PRAC2: variants seen among roughly 807,000 people sequenced by gnomAD.
The protein encoded by PRAC2 is PRAC2 small nuclear protein.
For missense variants in PRAC2, 92 were observed against 114.5 expected (o/e 0.80, Z 0.90); for synonymous variants, 43 against 49.5 (o/e 0.87, Z 0.55).
At chr17:48,724,098 C>A (rs1020715973) in intron 1 of PRAC2, among the ~76,000 whole-genome samples, 4 of 152,244 alleles carry the variant, frequency 2.6e-5, no homozygotes, top group African/African-American at 4.8e-5. Context: ...TGTGTTCACA[C>A]GTTTGTCCGA....
At chr17:48,723,376 T>G in intron 1 of PRAC2, 63 bp downstream of exon 1, 1 of 266,424 alleles carries the variant, frequency 3.8e-6, no homozygotes, top group Non-Finnish European at 7.0e-6. Context: ...ACAGGACGGG[T>G]TGGGGCCGGG....
chr17:48,718,984 G>A (rs888513251), upstream of PRAC2, among the ~76,000 whole-genome samples: 1 of 152,152 alleles, frequency 6.6e-6, no homozygotes, highest in Non-Finnish European at 1.5e-5. Context: ...TATCTTATTA[G>A]CCGGTGTCGC....
At chr17:48,723,430 A>G (rs964982530) in intron 1 of PRAC2, 117 bp downstream of exon 1, 26 of 338,848 alleles carry the variant, frequency 7.7e-5, no homozygotes, top group African/African-American at 5.3e-4. Flanking sequence ...AGAGTGCAGC[A>G]CTTAGCACCT....
chr17:48,720,351 C>G (rs1199437476), upstream of PRAC2, among the ~76,000 whole-genome samples: 1 of 152,222 alleles, frequency 6.6e-6, no homozygotes, highest in Non-Finnish European at 1.5e-5. Context: ...TTCTATCCAC[C>G]GCGACCTGCA....
At chr17:48,719,241 A>ACACG (rs1555557238), upstream of PRAC2, among the ~76,000 whole-genome samples, 19 of 150,618 alleles carry the variant, frequency 1.3e-4, no homozygotes, top group African/African-American at 3.7e-4. Flanking sequence ...ACACACACAC[A>ACACG]CACGCACACG....
chr17:48,721,890 T>C (rs1363313600), upstream of PRAC2: 3 of 1,516,680 alleles, frequency 2.0e-6, no homozygotes, highest in Non-Finnish European at 2.6e-6. Flanking sequence ...TGTTTCAAAG[T>C]AGATGTTTTC....
Position 48,724,647 on chromosome 17 carries a change from G to T in PRAC2, c.237G>T (p.Thr79=). 8.1e-7 allele frequency: 1 copy of T among 1,232,238 alleles called. No homozygotes were observed. The highest frequency in any genetic ancestry group is 1.0e-6 in the Non-Finnish European group (1 of 988,006). 76.3% of individuals were successfully genotyped at this position (1,232,238 alleles called of 1,614,324 possible). Residue 79 remains threonine, a synonymous_variant, in exon 2 of 2, where the codon ACG becomes ACT. Coordinates refer to ENST00000422730, the MANE Select transcript of PRAC2 (RefSeq NM_001282275.2). ...PGRWKPVAPR[T]MKACPQVLLE... is the part of the protein sequence containing the mutation. ...GCTGGAAGCCTGTAGCTCCGCGGACGATGAAAGCCTGCCCGCAGGTTCTCC... is the reference window on the plus strand; with the variant it reads ...GCTGGAAGCCTGTAGCTCCGCGGACTATGAAAGCCTGCCCGCAGGTTCTCC...
upstream of PRAC2, among the ~76,000 whole-genome samples, chr17:48,719,102 C>T (rs2038120865): frequency 6.6e-6 from 1 of 152,180 alleles, no homozygotes; most frequent in African/African-American, 2.4e-5. Flanking sequence ...CCCTGTTCAC[C>T]TTCGACTGGA....
At chr17:48,721,875 G>A (rs2038148589), upstream of PRAC2, 2 of 1,533,286 alleles carry the variant, frequency 1.3e-6, no homozygotes, top group Non-Finnish European at 1.8e-6. Context: ...GTCTCGCCCA[G>A]TAGATGTTTC....
At chr17:48,720,818 G>A (rs62065365), upstream of PRAC2, among the ~76,000 whole-genome samples, 1 of 152,190 alleles carries the variant, frequency 6.6e-6, no homozygotes, top group African/African-American at 2.4e-5. Flanking sequence ...TCTCAGCTGG[G>A]TGACTCCGGA....
chr17:48,720,732 C>G (rs890339314), upstream of PRAC2, among the ~76,000 whole-genome samples: 15 of 152,108 alleles, frequency 9.9e-5, no homozygotes, highest in African/African-American at 3.6e-4. Context: ...TGTTTAATCC[C>G]CTGTTTGCAT....
At chr17:48,723,377 T>G (rs1415237130) in intron 1 of PRAC2, 64 bp downstream of exon 1, 1 of 273,312 alleles carries the variant, frequency 3.7e-6, no homozygotes, top group African/African-American at 2.2e-5. Context: ...CAGGACGGGT[T>G]GGGGCCGGGG....
upstream of PRAC2, chr17:48,721,642 G>A (rs2038145540): frequency 7.6e-6 from 5 of 657,600 alleles, no homozygotes; most frequent in Admixed American, 1.7e-4. Flanking sequence ...ATTTTTTTAA[G>A]GCCCAGAGCT....
At chr17:48,722,586 C>A (rs1031633464), upstream of PRAC2, 8 of 572,930 alleles carry the variant, frequency 1.4e-5, no homozygotes, top group African/African-American at 1.3e-4. Flanking sequence ...AGAAGGCCTG[C>A]GGTTGGTGGC....
intron 1 of PRAC2, chr17:48,723,678 C>G: frequency 8.1e-7 from 1 of 1,231,152 alleles, no homozygotes; most frequent in Non-Finnish European, 1.0e-6. Context: ...CCCGGAAGCG[C>G]TAGCCAGCCG....
At chr17:48,721,834 T>G, upstream of PRAC2, 1 of 1,543,236 alleles carries the variant, frequency 6.5e-7, no homozygotes, top group Non-Finnish European at 8.8e-7. Context: ...CTCCCGAAAT[T>G]CCAGAATTAC....
At chr17:48,724,297 T>C in intron 1 of PRAC2, 31 bp from the exon 2 acceptor site, 2 of 1,191,046 alleles carry the variant, frequency 1.7e-6, no homozygotes, top group Non-Finnish European at 1.1e-6. Flanking sequence ...AAGCGTTTAA[T>C]ACAAAACGAA....
upstream of PRAC2, among the ~76,000 whole-genome samples, chr17:48,722,871 C>T (rs971426270): frequency 3.3e-5 from 5 of 152,134 alleles, no homozygotes; most frequent in Non-Finnish European, 7.4e-5. Flanking sequence ...GTCCCTGACC[C>T]TCCCCCCAGG....
chr17:48,720,487 T>C (rs1241092264), upstream of PRAC2, among the ~76,000 whole-genome samples: 1 of 152,234 alleles, frequency 6.6e-6, no homozygotes, highest in Non-Finnish European at 1.5e-5. Flanking sequence ...TCTCTTTCCC[T>C]GTTCCCCGTC....
Sources: gnomAD v4.1 joint callset for allele counts (sites outside exome capture counted in the v4.1 genomes callset) on GRCh38, gnomAD v4.1.1 for gene constraint, MANE v1.5 for transcripts, NCBI Gene and HGNC (gene_info 2026-07-23, HGNC 2026-07-21) for gene names.